IRS1: variants seen among roughly 807,000 people sequenced by gnomAD.
The protein encoded by IRS1 is insulin receptor substrate 1.
In IRS1, 34 loss-of-function variants were observed where a neutral mutation model predicts 65.6. The observed-to-expected ratio is 0.52, with a 90% CI of 0.39 to 0.69. IRS1 has a LOEUF of 0.69. Among genes scored for constraint, IRS1 ranks in the 30% least tolerant of loss-of-function variants. The probability of loss-of-function intolerance (pLI) is 0.00; values close to 1 mark genes in which losing one functional copy is unlikely to be tolerated. For synonymous variants in IRS1, 699 were observed against 683.5 expected, an observed-to-expected ratio of 1.02 and a Z score of -0.35; for missense variants, 1,641 against 1,720.2, an observed-to-expected ratio of 0.95 and a Z score of 0.81.
At chr2:226,739,500 T>G (rs921199704) in intron 1 of IRS1, among the ~76,000 whole-genome samples, 30 of 152,210 alleles carry the variant, frequency 2.0e-4, no homozygotes, top group Non-Finnish European at 4.0e-4. Flanking sequence ...ACACGTTTGA[T>G]CTTTGGAGAC....
chr2:226,775,842 T>C (rs991983835), intron 1 of IRS1, among the ~76,000 whole-genome samples: 19 of 152,192 alleles, frequency 1.2e-4, no homozygotes, highest in Non-Finnish European at 2.8e-4. Context: ...CATAATACAA[T>C]GTAGTTGCTA....
At chr2:226,740,316 C>T (rs1433690091) in intron 1 of IRS1, among the ~76,000 whole-genome samples, 2 of 152,120 alleles carry the variant, frequency 1.3e-5, no homozygotes, top group Non-Finnish European at 2.9e-5. Context: ...TAAAACCCAC[C>T]TAATCCTGTT....
intron 1 of IRS1, among the ~76,000 whole-genome samples, chr2:226,742,080 A>T (rs2106158659): frequency 6.6e-6 from 1 of 152,324 alleles, no homozygotes; most frequent in South Asian, 2.1e-4. Flanking sequence ...CAGCGCTATT[A>T]ACTATGGTCA....
intron 1 of IRS1, among the ~76,000 whole-genome samples, chr2:226,767,325 C>CCTT (rs1423481963): frequency 6.6e-6 from 1 of 152,148 alleles, no homozygotes; most frequent in Non-Finnish European, 1.5e-5. Context: ...AAGCGCAAGC[C>CCTT]ATAATAAGGG....
rs1408804241 is a variant in IRS1 at position 226,764,061 on chromosome 2, G to A, written c.*22-27811C>T. Reference sequence around the variant, plus strand: ...TGCCAAATGATGAAAAATGGATCATGGATAAACTTCAGCAGAACACACTCC... The same window carrying A: ...TGCCAAATGATGAAAAATGGATCATAGATAAACTTCAGCAGAACACACTCC... On this transcript the variant is annotated intron_variant, in intron 1 of 1. Coordinates refer to ENST00000305123, the MANE Select transcript of IRS1 (RefSeq NM_005544.3). 1.3e-5 allele frequency among the ~76,000 whole-genome samples: 2 copies of A among 150,422 alleles called. 1 individual carries two copies. Among genetic ancestry groups the A allele is most frequent in the Non-Finnish European group, 2.9e-5 (2 of 67,924 alleles).
At chr2:226,789,220 G>A (rs1939544951) in intron 1 of IRS1, among the ~76,000 whole-genome samples, 1 of 152,184 alleles carries the variant, frequency 6.6e-6, no homozygotes, top group Non-Finnish European at 1.5e-5. Flanking sequence ...TATAGTGAGA[G>A]GATTGGAAAA....
rs150492846 is a variant in IRS1 at position 226,732,881 on chromosome 2, C to T, written c.*3391G>A. ...CTACCAAAAGGGTCACATCTCTCCC[C>T]GCCAAGGTCTTAATTCACAGTGTCT... is the stretch of plus-strand genomic sequence containing the variant. On this transcript the variant is annotated 3_prime_UTR_variant, in exon 2 of 2. Transcript: ENST00000305123. The T allele has an allele frequency of 2.6e-5, 4 of 152,282 alleles. No homozygotes were observed. The highest frequency in any genetic ancestry group is 7.2e-5 in the African/African-American group (3 of 41,564). 9.4% of individuals were successfully genotyped at this position (152,282 alleles called of 1,614,324 possible).
At chr2:226,784,381 C>T (rs956308228) in intron 1 of IRS1, among the ~76,000 whole-genome samples, 5 of 152,060 alleles carry the variant, frequency 3.3e-5, no homozygotes, top group South Asian at 2.1e-4. Context: ...CAAACACTGA[C>T]GATTCTAATT....
At chr2:226,766,856 A>G (rs1429753558) in intron 1 of IRS1, among the ~76,000 whole-genome samples, 1 of 152,176 alleles carries the variant, frequency 6.6e-6, no homozygotes, top group East Asian at 1.9e-4. Flanking sequence ...GGTTTCATCA[A>G]CCCACTAGCA....
chr2:226,774,128 A>G lies in IRS1; in HGVS notation c.*21+20861T>C, dbSNP rs769226989. Among the ~76,000 whole-genome samples, 7 of 152,252 alleles carry G rather than the reference A, an allele frequency of 4.6e-5. No individual in the cohort carries two copies. In the South Asian group the frequency reaches 6.2e-4, roughly 13 times the overall value. ...CGGAAAGCACAACAGCCAAGCCTCA[A>G]TGAACTTCATTAACTTGATTCCCCG... On this transcript the variant is annotated intron_variant, in intron 1 of 1. Transcript: ENST00000305123.
chr2:226,793,410 CT>C (rs759506509), intron 1 of IRS1, among the ~76,000 whole-genome samples: 35 of 152,314 alleles, frequency 2.3e-4, no homozygotes, highest in Non-Finnish European at 4.1e-4. Context: ...ATTTGTACTA[CT>C]GATGTTGATA....
chr2:226,780,164 G>A (rs1402388115), intron 1 of IRS1, among the ~76,000 whole-genome samples: 9 of 152,018 alleles, frequency 5.9e-5, no homozygotes, highest in East Asian at 1.9e-4. Context: ...AGGCCGAGGC[G>A]GGCGAAACAC....
chr2:226,794,995 T>G lies in IRS1; in HGVS notation c.*15A>C, dbSNP rs780220562. The G allele has an allele frequency of 5.0e-6, 8 of 1,613,062 alleles. No homozygotes were observed. In the East Asian group the frequency reaches 1.6e-4, roughly 31 times the overall value. The stretch of plus-strand genomic sequence containing the variant: ...TTGTCACCATGAAACGCACCTGCTG[T>G]GATGTCCAGTTGAGCTACTGACGGT... On this transcript the variant is annotated 3_prime_UTR_variant, in exon 1 of 2. Transcript: ENST00000305123. The surrounding 1 kb of genome is among the most constrained non-coding windows in gnomAD (Gnocchi z 4.1).
At chr2:226,779,934 ACT>A (rs1939349379) in intron 1 of IRS1, among the ~76,000 whole-genome samples, 1 of 152,224 alleles carries the variant, frequency 6.6e-6, no homozygotes, top group South Asian at 2.1e-4. Flanking sequence ...CAAGGGCTAC[ACT>A]GGCAAAATGG....
intron 1 of IRS1, among the ~76,000 whole-genome samples, chr2:226,757,725 C>A (rs1377101401): frequency 6.6e-6 from 1 of 152,200 alleles, no homozygotes; most frequent in East Asian, 1.9e-4. Context: ...GCTAACTACT[C>A]TAACATCTTG....
chr2:226,734,356 C>CAAAT lies in IRS1; in HGVS notation c.*1912_*1915dup, dbSNP rs1239551499. 1 of 152,176 alleles carries CAAAT rather than the reference C, an allele frequency of 6.6e-6. No individual in the cohort carries two copies. The highest frequency in any genetic ancestry group is 2.4e-5 in the African/African-American group (1 of 41,420). The allele number at this position is 152,176 out of a possible 1,614,324, so 9.4% of individuals were successfully genotyped here. ...TTTATCTTAGAAATTGATGAGCATG[C>CAAAT]AAATGATTAAAATCTGCAATAACGG... On this transcript the variant is annotated 3_prime_UTR_variant, in exon 2 of 2. Transcript: ENST00000305123.
rs748385460 is a variant in IRS1, at chr2:226,795,608, G to A, written c.3131C>T (p.Pro1044Leu). 1.7e-5 allele frequency: 27 copies of A among 1,612,488 alleles called. No individual in the cohort carries two copies. The highest frequency in any genetic ancestry group is 3.3e-5 in the Admixed American group (2 of 60,024). ...ASSSSAASAS[P>L]TGPQGAAELA... ...CTCTGCTGCCCCTTGAGGCCCAGTC[G>A]GGGAAGCAGAGGCTGCTGAGGATGA... The change falls in exon 1 of 2, where the codon CCG (proline) becomes CTG (leucine). Residue 1044 changes from proline (P) to leucine (L), a missense_variant. Physicochemically the swap from Pro to Leu is moderately conservative, Grantham distance 98. Transcript: ENST00000305123.
intron 1 of IRS1, among the ~76,000 whole-genome samples, chr2:226,777,316 T>C (rs192990217): frequency 1.3e-5 from 2 of 152,322 alleles, no homozygotes; most frequent in African/African-American, 4.8e-5. Context: ...AATAAAAAAG[T>C]GTATTTTAAA....
chr2:226,770,718 T>C (rs1335953215), intron 1 of IRS1, among the ~76,000 whole-genome samples: 1 of 152,212 alleles, frequency 6.6e-6, no homozygotes, highest in Non-Finnish European at 1.5e-5. Context: ...GGAGAAAACA[T>C]TAACCTGGAG....
Sources: allele counts gnomAD v4.1 joint callset (sites outside exome capture counted in the v4.1 genomes callset), GRCh38; gene constraint gnomAD v4.1.1; non-coding constraint Gnocchi (gnomAD v3.1); transcripts MANE v1.5; gene names NCBI Gene and HGNC (gene_info 2026-07-23, HGNC 2026-07-21).